Variants in PIEZO2 observed in about 807,000 individuals in gnomAD.
The protein encoded by PIEZO2 is piezo-type mechanosensitive ion channel component 2.
Under a neutral mutation model 337.3 loss-of-function variants are expected in PIEZO2, and 172 were observed. The ratio of observed to expected loss-of-function variants is 0.51; its 90% CI spans 0.45 to 0.58. The LOEUF (loss-of-function observed/expected upper bound fraction) is 0.58. Ranked by LOEUF, PIEZO2 falls within the 20% of genes least tolerant of loss-of-function variation. The pLI, the probability that PIEZO2 is intolerant of heterozygous loss-of-function variation, is 0.00. For synonymous variants in PIEZO2, 1,251 were observed against 1,228.5 expected (o/e 1.02, Z -0.38); for missense variants, 3,028 against 3,391.3 (o/e 0.89, Z 2.66).
chr18:10,756,064 G>A (rs1241600081), intron 27 of PIEZO2, among the ~76,000 whole-genome samples: 3 of 148,142 alleles, frequency 2.0e-5, no homozygotes, highest in Non-Finnish European at 3.0e-5. Flanking sequence ...GAGGAGGGAT[G>A]GGGATAAGGA....
rs2033762268 is a variant in PIEZO2, at chr18:10,671,312, A to G, written c.*215T>C. 2.2e-6 allele frequency: 1 copy of G among 458,238 alleles called. No individual in the cohort carries two copies. Among genetic ancestry groups the G allele is most frequent in the Non-Finnish European group, 3.8e-6 (1 of 262,028 alleles). 28.4% of individuals were successfully genotyped at this position (458,238 alleles called of 1,614,324 possible). ...CTAAAACATAAAGCAAGTAGCCCTG[A>G]TTTCAGAGAAATGGAGTTACAAATA... On this transcript the variant is annotated 3_prime_UTR_variant, in exon 56 of 56. Coordinates refer to ENST00000674853, the MANE Select transcript of PIEZO2 (RefSeq NM_001378183.1).
intron 3 of PIEZO2, among the ~76,000 whole-genome samples, chr18:10,965,307 T>TG (rs1158323891): frequency 1.3e-5 from 2 of 152,206 alleles, no homozygotes; most frequent in African/African-American, 4.8e-5. Context: ...CCACGCTTTA[T>TG]TTTTTTGTCA....
chr18:10,910,624 G>A (rs1345896408), intron 4 of PIEZO2, among the ~76,000 whole-genome samples: 1 of 151,854 alleles, frequency 6.6e-6, no homozygotes, highest in Non-Finnish European at 1.5e-5. Context: ...GAAAAAGAAA[G>A]GAAAAGAAAA....
chr18:11,072,147 G>A (rs914395743), intron 1 of PIEZO2, among the ~76,000 whole-genome samples: 12 of 152,106 alleles, frequency 7.9e-5, no homozygotes, highest in Non-Finnish European at 1.3e-4. Flanking sequence ...GTACTTCTAC[G>A]TCAGTGGGGC....
rs2039735178 is a variant in PIEZO2, at chr18:11,111,550, C to A, written c.64+36975G>T. On this transcript the variant is annotated intron_variant, in intron 1 of 55. Transcript: ENST00000674853. The surrounding 1 kb of genome is among the most constrained non-coding windows in gnomAD (Gnocchi z 6.2). ...AAATCTGTGATGCCGTGGCCATTCTCTATACCACCTTCAGGGCCCGCCCTG... is the reference window on the plus strand; with the variant it reads ...AAATCTGTGATGCCGTGGCCATTCTATATACCACCTTCAGGGCCCGCCCTG... 6.6e-6 allele frequency among the ~76,000 whole-genome samples: 1 copy of A among 152,300 alleles called. No individual in the cohort carries two copies. The highest frequency in any genetic ancestry group is 1.5e-5 in the Non-Finnish European group (1 of 68,028).
At chr18:10,890,712 G>A (rs1161097725) in intron 4 of PIEZO2, 1 of 152,196 alleles carries the variant, frequency 6.6e-6, no homozygotes, top group African/African-American at 2.4e-5. Flanking sequence ...ATGACACATG[G>A]GGATTATGGG....
intron 21 of PIEZO2, among the ~76,000 whole-genome samples, chr18:10,768,034 CAAA>C (rs998008975): frequency 1.4e-4 from 22 of 152,100 alleles, no homozygotes; most frequent in Non-Finnish European, 5.9e-5. Flanking sequence ...AAGAATAAAA[CAAA>C]AGAAGGAATA....
intron 3 of PIEZO2, among the ~76,000 whole-genome samples, chr18:10,930,561 C>T (rs1402917935): frequency 6.6e-6 from 1 of 152,214 alleles, no homozygotes; most frequent in Non-Finnish European, 1.5e-5. Flanking sequence ...CACATGTTCT[C>T]AGGACCTCCT....
chr18:11,056,913 G>A (rs1253829990), intron 2 of PIEZO2, among the ~76,000 whole-genome samples: 1 of 152,230 alleles, frequency 6.6e-6, no homozygotes, highest in Non-Finnish European at 1.5e-5. Context: ...GCCCTTTTCA[G>A]TTGGTTTCAG....
rs1374390272 is a variant in PIEZO2 at position 10,702,494 on chromosome 18, T to C, written c.6259-323A>G. On this transcript the variant is annotated intron_variant, in intron 42 of 55. Coordinates refer to ENST00000674853, the MANE Select transcript of PIEZO2 (RefSeq NM_001378183.1). Reference sequence around the variant, plus strand: ...ATACTTATTTAATTAGATATTGATATAATTACGCAGCTATTAAATATATTA... The same window carrying C: ...ATACTTATTTAATTAGATATTGATACAATTACGCAGCTATTAAATATATTA... Among the ~76,000 whole-genome samples, 4 of 152,232 alleles carry C rather than the reference T, an allele frequency of 2.6e-5. No individual in the cohort carries two copies. In the East Asian group the frequency reaches 5.8e-4, roughly 22 times the overall value.
At chr18:10,860,150 G>A (rs924906522) in intron 5 of PIEZO2, among the ~76,000 whole-genome samples, 1 of 152,094 alleles carries the variant, frequency 6.6e-6, no homozygotes, top group Non-Finnish European at 1.5e-5. Context: ...CTGGAGTGTT[G>A]GAGAGGGGCT....
chr18:11,117,011 A>G (rs1049999686), intron 1 of PIEZO2, among the ~76,000 whole-genome samples: 3 of 152,116 alleles, frequency 2.0e-5, no homozygotes, highest in South Asian at 2.1e-4. Context: ...TTGGAGGCTG[A>G]GGCAAGAGAA....
intron 1 of PIEZO2, among the ~76,000 whole-genome samples, chr18:11,079,838 G>A (rs929593596): frequency 1.3e-5 from 2 of 152,148 alleles, no homozygotes; most frequent in Non-Finnish European, 2.9e-5. Flanking sequence ...GAATAATTCA[G>A]TAAGGATTAT....
chr18:10,809,841 G>A (rs2040131679), intron 7 of PIEZO2, among the ~76,000 whole-genome samples: 2 of 152,154 alleles, frequency 1.3e-5, no homozygotes, highest in African/African-American at 4.8e-5. Context: ...GACAGAGCAA[G>A]GTGTCACAGA....
In PIEZO2 at chr18:11,148,846, G is replaced by C. The variant is rs909509210; in HGVS notation, c.-258C>G. 9.5e-4 allele frequency: 408 copies of C among 428,440 alleles called. No individual in the cohort carries two copies. The highest frequency in any genetic ancestry group is 1.3e-3 in the Non-Finnish European group (310 of 244,684). 26.5% of individuals were successfully genotyped at this position (428,440 alleles called of 1,614,324 possible). A position where few individuals can be genotyped will look rare whatever the true frequency, so the allele number is the denominator to read the frequency against. Reference sequence around the variant, plus strand: ...CACCTAGCCCGGCGCCCGGCCCCCTGCGGCCGGCCCATTTAGTGTGAATCC... The same window carrying C: ...CACCTAGCCCGGCGCCCGGCCCCCTCCGGCCGGCCCATTTAGTGTGAATCC... On this transcript the variant is annotated 5_prime_UTR_variant, in exon 1 of 56. Coordinates refer to ENST00000674853, the MANE Select transcript of PIEZO2 (RefSeq NM_001378183.1). This position sits in a 1 kb window ranked among gnomAD's most constrained non-coding sequence, Gnocchi z 5.2.
chr18:11,088,897 A>G (rs2038988208), intron 1 of PIEZO2, among the ~76,000 whole-genome samples: 1 of 152,230 alleles, frequency 6.6e-6, no homozygotes, highest in African/African-American at 2.4e-5. Context: ...ACAGTGACTG[A>G]GACTGGGGAT....
In PIEZO2 at chr18:11,033,337, C is replaced by G. The variant is rs2036808013; in HGVS notation, c.160+32790G>C. On this transcript the variant is annotated intron_variant, in intron 2 of 55. Transcript: ENST00000674853. This position sits in a 1 kb window ranked among gnomAD's most constrained non-coding sequence, Gnocchi z 4.2. ...GACCACCAGGACTTAGGGCAGGACT[C>G]CAGCCAGAGTGCAAGATCTCACTGG... 6.6e-6 allele frequency among the ~76,000 whole-genome samples: 1 copy of G among 152,226 alleles called. No individual in the cohort carries two copies.
At chr18:10,995,042 C>T (rs979671893) in intron 2 of PIEZO2, among the ~76,000 whole-genome samples, 2 of 134,860 alleles carry the variant, frequency 1.5e-5, no homozygotes, top group Non-Finnish European at 3.0e-5. Context: ...CGTGCCACTG[C>T]ACTCCAGCCT....
At position 10,748,560 on chromosome 18, in the gene PIEZO2, G is replaced by T. The variant is rs1174405959; in HGVS notation, c.4335C>A (p.Ala1445=). 2 of 1,536,048 alleles carry T rather than the reference G, an allele frequency of 1.3e-6. No homozygotes were observed. Among genetic ancestry groups the T allele is most frequent in the Non-Finnish European group, 1.7e-6 (2 of 1,146,324 alleles). Reference sequence around the variant, plus strand: ...AAACTCTTCTTTGCAGCAGGAGGAAGGCAAAACATATGCTGTCCCAAATGA... The same window carrying T: ...AAACTCTTCTTTGCAGCAGGAGGAATGCAAAACATATGCTGTCCCAAATGA... ...AGIIWDSICF[A]FLLLQRRVFM... Residue 1445 remains alanine (A), a synonymous_variant, in exon 30 of 56, where the codon GCC becomes GCA. Coordinates refer to ENST00000674853, the MANE Select transcript of PIEZO2 (RefSeq NM_001378183.1). The surrounding 1 kb of genome is among the most constrained non-coding windows in gnomAD (Gnocchi z 5.1).
Sources: gnomAD v4.1 joint callset for allele counts (sites outside exome capture counted in the v4.1 genomes callset) on GRCh38, gnomAD v4.1.1 for gene constraint, Gnocchi (gnomAD v3.1) non-coding constraint, MANE v1.5 for transcripts, NCBI Gene and HGNC (gene_info 2026-07-23, HGNC 2026-07-21) for gene names.